Variants in PRKAR2B observed in about 807,000 individuals in gnomAD.
PRKAR2B encodes the protein protein kinase cAMP-dependent type II regulatory subunit beta, also known as cAMP-dependent protein kinase type II-beta regulatory subunit.
In PRKAR2B, 14 loss-of-function variants were observed where a neutral mutation model predicts 49.9. The ratio of observed to expected loss-of-function variants is 0.28; its 90% CI spans 0.19 to 0.44. PRKAR2B has a LOEUF of 0.44. PRKAR2B is among the 20% of genes least tolerant of loss of function. PRKAR2B has a pLI of 1.00. For synonymous variants in PRKAR2B, 196 were observed against 197.7 expected (o/e 0.99, Z 0.07); for missense variants, 393 against 537.9 (o/e 0.73, Z 2.67).
chr7:107,088,372 C>G (rs1349555277), intron 2 of PRKAR2B, among the ~76,000 whole-genome samples: 2 of 152,022 alleles, frequency 1.3e-5, no homozygotes, highest in African/African-American at 2.4e-5. Context: ...ACATTTCAGC[C>G]AAGGCCTGGG....
At chr7:107,157,598 A>G (rs1796117583) in intron 10 of PRKAR2B, among the ~76,000 whole-genome samples, 2 of 152,248 alleles carry the variant, frequency 1.3e-5, no homozygotes. Flanking sequence ...ACCACGTTTT[A>G]TATGGAATCT....
In PRKAR2B at chr7:107,159,564, T is replaced by G; in HGVS notation, c.1239T>G (p.Ile413Met). 1 of 1,614,122 alleles carries G rather than the reference T, an allele frequency of 6.2e-7. No individual in the cohort carries two copies. Among genetic ancestry groups the G allele is most frequent in the Non-Finnish European group, 8.5e-7 (1 of 1,179,968 alleles). The change falls in exon 11 of 11, where the codon ATT becomes ATG. Residue 413 changes from isoleucine to methionine, a missense_variant. Ile to Met is a conservative substitution (Grantham distance 10). This residue lies in a region of PRKAR2B where 233 missense variants were observed against 390.4 expected (regional missense o/e 0.60). Transcript: ENST00000265717. ...CCCTGTTTGGAACGAACATGGATAT[T>G]GTTGAACCCACTGCATGAAGCAAAA... is the stretch of plus-strand genomic sequence containing the variant. ...LVALFGTNMD[I>M]VEPTA is the part of the protein sequence containing the mutation.
intron 6 of PRKAR2B, among the ~76,000 whole-genome samples, chr7:107,148,320 C>T (rs952072095): frequency 5.3e-5 from 8 of 152,174 alleles, no homozygotes; most frequent in Admixed American, 3.9e-4. Context: ...TGCCTCCTTG[C>T]ACATCTTCAG....
rs1488785955 is a variant in PRKAR2B, at chr7:107,044,831, C to T, written c.-77C>T. 1.2e-5 allele frequency: 15 copies of T among 1,206,188 alleles called. No homozygotes were observed. The highest frequency in any genetic ancestry group is 1.6e-5 in the Non-Finnish European group (15 of 946,980). 74.7% of individuals were successfully genotyped at this position (1,206,188 alleles called of 1,614,324 possible). On this transcript the variant is annotated 5_prime_UTR_variant, in exon 1 of 11. Transcript: ENST00000265717. The stretch of plus-strand genomic sequence containing the variant: ...CGCGCCAGCGCCGTAGGCGCTCGCT[C>T]GGCAGCCGCGGGGCCCTAGGCCGTG...
intron 1 of PRKAR2B, among the ~76,000 whole-genome samples, chr7:107,051,416 T>A (rs1793800258): frequency 6.6e-6 from 1 of 152,188 alleles, no homozygotes; most frequent in Non-Finnish European, 1.5e-5. Flanking sequence ...GAATTGTTAC[T>A]GTGTTCTTGA....
intron 1 of PRKAR2B, among the ~76,000 whole-genome samples, chr7:107,046,211 T>C (rs1339075145): frequency 4.6e-5 from 7 of 152,352 alleles, no homozygotes; most frequent in Non-Finnish European, 8.8e-5. Context: ...CTCATTTTTA[T>C]GGCAACCCAA....
In PRKAR2B at chr7:107,130,577, G is replaced by C. The variant is rs150309414; in HGVS notation, c.480+2282G>C. On this transcript the variant is annotated intron_variant, in intron 4 of 10. Transcript: ENST00000265717. The stretch of plus-strand genomic sequence containing the variant: ...CCTTGAACATAGTTACAGTCTCATG[G>C]TATGAATTCAGTAGTTCAGAGTGGC... 2.0e-3 allele frequency among the ~76,000 whole-genome samples: 306 copies of C among 152,204 alleles called. 3 individuals carry two copies. Among genetic ancestry groups the C allele is most frequent in the African/African-American group, 6.8e-3 (282 of 41,542 alleles).
intron 5 of PRKAR2B, among the ~76,000 whole-genome samples, chr7:107,146,057 A>G (rs990199574): frequency 5.3e-5 from 8 of 151,980 alleles, no homozygotes; most frequent in Non-Finnish European, 1.0e-4. Flanking sequence ...TTTTATGCAT[A>G]TACTATTTGG....
At chr7:107,134,319 G>A (rs764649259) in intron 4 of PRKAR2B, among the ~76,000 whole-genome samples, 6 of 152,206 alleles carry the variant, frequency 3.9e-5, no homozygotes, top group South Asian at 4.1e-4. Context: ...GTGAGCTACC[G>A]TGCCTGGCCT....
chr7:107,120,901 T>C (rs977722921), intron 2 of PRKAR2B, among the ~76,000 whole-genome samples: 4 of 151,712 alleles, frequency 2.6e-5, no homozygotes, highest in African/African-American at 9.7e-5. Context: ...ATATTTCCTA[T>C]AGATAAGGAC....
chr7:107,159,390 T>C, intron 10 of PRKAR2B, 59 bp from the exon 11 acceptor site: 1 of 1,573,464 alleles, frequency 6.4e-7, no homozygotes, highest in Non-Finnish European at 8.7e-7. Flanking sequence ...GTAAATGACT[T>C]AGAAATTCTG....
intron 2 of PRKAR2B, among the ~76,000 whole-genome samples, chr7:107,083,409 T>C (rs1383186309): frequency 1.3e-5 from 2 of 151,680 alleles, no homozygotes; most frequent in Non-Finnish European, 2.9e-5. Flanking sequence ...CTAATTAAAA[T>C]TTATGCACGG....
chr7:107,088,668 T>G (rs1794665678), intron 2 of PRKAR2B, among the ~76,000 whole-genome samples: 1 of 152,176 alleles, frequency 6.6e-6, no homozygotes, highest in African/African-American at 2.4e-5. Context: ...GGTGTGATCT[T>G]GGCTTATTGC....
chr7:107,082,507 TAATA>T (rs796360635), intron 2 of PRKAR2B, among the ~76,000 whole-genome samples: 7 of 152,330 alleles, frequency 4.6e-5, no homozygotes, highest in South Asian at 2.1e-4. Context: ...TTTTATTGAC[TAATA>T]AATAAGCATT....
chr7:107,127,113 AT>A (rs1433592526), intron 3 of PRKAR2B, among the ~76,000 whole-genome samples: 1 of 152,184 alleles, frequency 6.6e-6, no homozygotes, highest in African/African-American at 2.4e-5. Context: ...GTGGTTTGAA[AT>A]GCTGATTTAA....
intron 1 of PRKAR2B, among the ~76,000 whole-genome samples, chr7:107,052,532 C>T (rs561915499): frequency 6.6e-6 from 1 of 152,330 alleles, no homozygotes; most frequent in African/African-American, 2.4e-5. Context: ...TGAACAGATG[C>T]TTTACACATA....
intron 2 of PRKAR2B, among the ~76,000 whole-genome samples, chr7:107,111,427 G>A (rs1278561165): frequency 2.0e-5 from 3 of 152,114 alleles, no homozygotes; most frequent in Non-Finnish European, 4.4e-5. Context: ...TAGCCAGGTG[G>A]TAGTCACAGC....
intron 2 of PRKAR2B, among the ~76,000 whole-genome samples, chr7:107,076,333 C>G (rs77363449): frequency 0.087 from 13,161 of 152,076 alleles, 632 homozygotes; most frequent in Middle Eastern, 0.17. Context: ...ATGTTTTTTT[C>G]TCTCTCTCTT....
intron 2 of PRKAR2B, among the ~76,000 whole-genome samples, chr7:107,071,218 T>C (rs759588274): frequency 6.6e-6 from 1 of 152,250 alleles, no homozygotes; most frequent in Non-Finnish European, 1.5e-5. Context: ...AGATCATCTT[T>C]GGAGTTGATA....
Sources: gnomAD v4.1 joint callset for allele counts (sites outside exome capture counted in the v4.1 genomes callset) on GRCh38, gnomAD v4.1.1 for gene constraint, gnomAD v4.1.1 regional missense constraint, MANE v1.5 for transcripts, NCBI Gene and HGNC (gene_info 2026-07-23, HGNC 2026-07-21) for gene names.